The following ACSL6 variants were observed in gnomAD, a reference collection of about 807,000 sequenced individuals.
The protein encoded by ACSL6 is acyl-CoA synthetase long chain family member 6, also known as long-chain-fatty-acid--CoA ligase 6.
Under a neutral mutation model 98.2 loss-of-function variants are expected in ACSL6, and 47 were observed. That is an observed-to-expected ratio of 0.48 (90% confidence interval 0.38 to 0.61). The LOEUF is 0.61. Among genes scored for constraint, ACSL6 ranks in the 20% least tolerant of loss-of-function variants. The pLI, the probability that ACSL6 is intolerant of heterozygous loss-of-function variation, is 0.00. For synonymous variants in ACSL6, 362 were observed against 336.9 expected (o/e 1.07, Z -0.82); for missense variants, 761 against 913.4 (o/e 0.83, Z 2.15).
chr5:131,985,370 GGTAGCCAT>G, intron 9 of ACSL6, 29 bp downstream of exon 9: 1 of 1,613,526 alleles, frequency 6.2e-7, no homozygotes, highest in South Asian at 1.1e-5. Context: ...GAAGGGTGCA[GGTAGCCAT>G]GGCTGGGGAT....
chr5:131,966,430 C>A lies in ACSL6; in HGVS notation c.1699G>T (p.Gly567Ter). The A allele has an allele frequency of 1.2e-6, 2 of 1,614,142 alleles. No homozygotes were observed. Among genetic ancestry groups the A allele is most frequent in the Non-Finnish European group, 1.7e-6 (2 of 1,180,034 alleles). ...SDGWLHTGDIGKWLPAGTLKI... is the reference protein window; with the variant it reads ...SDGWLHTGDI Reference sequence around the variant, plus strand: ...AACATACACACCGGCAGCCATTTTCCGATGTCTCCAGTGTGAAGCCAGCCA... The same window carrying A: ...AACATACACACCGGCAGCCATTTTCAGATGTCTCCAGTGTGAAGCCAGCCA... Residue 567 changes from glycine to a stop codon, truncating the protein, a stop_gained, in exon 17 of 21, where the codon GGA becomes TGA. Coordinates refer to ENST00000651883, the MANE Select transcript of ACSL6 (RefSeq NM_001009185.3). LOFTEE classifies it high-confidence loss of function.
At chr5:131,964,546 T>C (rs1296927937) in intron 17 of ACSL6, among the ~76,000 whole-genome samples, 1 of 152,240 alleles carries the variant, frequency 6.6e-6, no homozygotes, top group Non-Finnish European at 1.5e-5. Context: ...TGGTGAATGG[T>C]TTCATTCAAG....
chr5:131,963,214 C>G (rs1426147532), intron 17 of ACSL6, among the ~76,000 whole-genome samples: 1 of 152,212 alleles, frequency 6.6e-6, no homozygotes, highest in African/African-American at 2.4e-5. Context: ...CCAGATGGCA[C>G]TAGGAGCCCA....
intron 9 of ACSL6, among the ~76,000 whole-genome samples, chr5:131,981,658 CA>C (rs1753900889): frequency 6.6e-6 from 1 of 152,188 alleles, no homozygotes; most frequent in African/African-American, 2.4e-5. Context: ...CTACTGTAAG[CA>C]AATAAGCATT....
rs964346503 is a variant in ACSL6, at chr5:131,952,893, A to G, written c.*1341T>C. 25 of 215,012 alleles carry G rather than the reference A, an allele frequency of 1.2e-4. No individual in the cohort carries two copies. Among genetic ancestry groups the G allele is most frequent in the Non-Finnish European group, 2.0e-4 (21 of 106,556 alleles). The allele number at this position is 215,012 out of a possible 1,614,324, so 13.3% of individuals were successfully genotyped here. ...ATCAAAGTTATATTGTTGAAAAACTATTTTCCCTGGAAATAATGTCCCCTC... is the reference window on the plus strand; with the variant it reads ...ATCAAAGTTATATTGTTGAAAAACTGTTTTCCCTGGAAATAATGTCCCCTC... On this transcript the variant is annotated 3_prime_UTR_variant, in exon 21 of 21. Coordinates refer to ENST00000651883, the MANE Select transcript of ACSL6 (RefSeq NM_001009185.3).
rs1232249717 is a variant in ACSL6 at position 131,981,327 on chromosome 5, A to AC, written c.916+4079_916+4080insG. 1.9e-3 allele frequency among the ~76,000 whole-genome samples: 257 copies of AC among 135,362 alleles called. 3 individuals carry two copies. Among genetic ancestry groups the AC allele is most frequent in the African/African-American group, 7.3e-3 (245 of 33,586 alleles). 88.8% of individuals were successfully genotyped at this position (135,362 alleles called of 152,430 possible). A position where few individuals can be genotyped will look rare whatever the true frequency, so the allele number is the denominator to read the frequency against. ...ATACCTTCATAGTCAACTATTAAAAAAAAAAAAAAAAAAAAAAACACAACT... is the reference window on the plus strand; with the variant it reads ...ATACCTTCATAGTCAACTATTAAAAACAAAAAAAAAAAAAAAAAACACAACT... On this transcript the variant is annotated intron_variant, in intron 9 of 20. Transcript: ENST00000651883.
chr5:131,958,768 A>C (rs1309614213), intron 20 of ACSL6, among the ~76,000 whole-genome samples: 1 of 152,174 alleles, frequency 6.6e-6, no homozygotes, highest in Non-Finnish European at 1.5e-5. Context: ...CAAAATTTAA[A>C]GATTCTTGTC....
chr5:131,978,028 G>C (rs933983276), intron 9 of ACSL6, among the ~76,000 whole-genome samples: 2 of 152,222 alleles, frequency 1.3e-5, no homozygotes, highest in Non-Finnish European at 2.9e-5. Flanking sequence ...TGAAGTGCCT[G>C]ATTGTGCTCC....
Position 132,011,465 on chromosome 5 carries a change from G to T in ACSL6, c.49+40C>A. Reference sequence around the variant, plus strand: ...TCGGGCGAAGACCTCATAGCCTGCGGGAGATGGGAGTCCGGGACGCGGACA... The same window carrying T: ...TCGGGCGAAGACCTCATAGCCTGCGTGAGATGGGAGTCCGGGACGCGGACA... On this transcript the variant is annotated intron_variant, in intron 1 of 20. Coordinates refer to ENST00000651883, the MANE Select transcript of ACSL6 (RefSeq NM_001009185.3). This position sits in a 1 kb window ranked among gnomAD's most constrained non-coding sequence, Gnocchi z 5.4. 6.3e-7 allele frequency: 1 copy of T among 1,597,950 alleles called. No homozygotes were observed.
intron 9 of ACSL6, among the ~76,000 whole-genome samples, chr5:131,980,455 C>G (rs758244501): frequency 5.3e-5 from 8 of 152,188 alleles, no homozygotes; most frequent in African/African-American, 1.9e-4. Context: ...AGGTCTTGAA[C>G]CAAATAGCAC....
upstream of ACSL6, chr5:132,011,850 C>A (rs1347282388): frequency 9.9e-6 from 15 of 1,507,920 alleles, no homozygotes; most frequent in Non-Finnish European, 1.2e-5. This position sits in a 1 kb window ranked among gnomAD's most constrained non-coding sequence, Gnocchi z 5.4. Context: ...AGCTCCCGGG[C>A]GGGGGAGGGG....
rs777111185 is a variant in ACSL6, at chr5:131,985,402, C to T, written c.916+5G>A. ...ATGGCTGGGGATCTGCGTGCCTCTG[C>T]TTACCTGTCGTGCCGCTTGTGAAAC... On this transcript the variant is annotated splice_donor_5th_base_variant and intron_variant, in intron 9 of 20. Transcript: ENST00000651883. The T allele has an allele frequency of 1.9e-6, 3 of 1,614,092 alleles. No homozygotes were observed. In the South Asian group the frequency reaches 3.3e-5, roughly 18 times the overall value.
chr5:131,987,842 C>T (rs1033245156), intron 7 of ACSL6, among the ~76,000 whole-genome samples: 7 of 152,150 alleles, frequency 4.6e-5, no homozygotes, highest in East Asian at 1.9e-4. Context: ...GATCCAGCCA[C>T]GGAGCCTATC....
rs138244983 is a variant in ACSL6 at position 132,008,832 on chromosome 5, C to T, written c.49+2673G>A. On this transcript the variant is annotated intron_variant, in intron 1 of 20. Transcript: ENST00000651883. ...TGATTGAACAGATTAGACCCTGCGGCATGGGGCTGCCTTAGCCTAGAGGAA... is the reference window on the plus strand; with the variant it reads ...TGATTGAACAGATTAGACCCTGCGGTATGGGGCTGCCTTAGCCTAGAGGAA... Among the ~76,000 whole-genome samples the T allele has an allele frequency of 3.1e-3, 474 of 152,360 alleles. 4 individuals are homozygous for T. The highest frequency in any genetic ancestry group is 0.011 in the African/African-American group (452 of 41,586).
At position 131,951,558 on chromosome 5, in the gene ACSL6, CA is replaced by C. The variant is rs1305256316; in HGVS notation, c.*2675del. 1.6e-5 allele frequency: 3 copies of C among 188,178 alleles called. No individual in the cohort carries two copies. The highest frequency in any genetic ancestry group is 3.3e-5 in the Non-Finnish European group (3 of 90,172). The allele number at this position is 188,178 out of a possible 1,614,324, so 11.7% of individuals were successfully genotyped here. A position where few individuals can be genotyped will look rare whatever the true frequency, so the allele number is the denominator to read the frequency against. On this transcript the variant is annotated 3_prime_UTR_variant, in exon 21 of 21. Transcript: ENST00000651883. ...TAGAAATATAAGATATTTTAAGTGG[CA>C]AAAAGAAGAAACCTTGTTTTTGTTT...
At chr5:132,011,961 C>CGCCA, upstream of ACSL6, 1 of 1,535,124 alleles carries the variant, frequency 6.5e-7, no homozygotes, top group Non-Finnish European at 8.8e-7. The surrounding 1 kb of genome is among the most constrained non-coding windows in gnomAD (Gnocchi z 5.4). Context: ...GGGCGACGAG[C>CGCCA]GCCAGAGCGT....
intron 1 of ACSL6, among the ~76,000 whole-genome samples, chr5:132,005,325 G>C (rs1018400287): frequency 1.3e-5 from 2 of 152,220 alleles, no homozygotes; most frequent in African/African-American, 4.8e-5. Context: ...TGGCAGGGCA[G>C]AGTGGCCAGA....
intron 1 of ACSL6, among the ~76,000 whole-genome samples, chr5:131,999,170 C>T (rs776631006): frequency 1.1e-4 from 16 of 152,108 alleles, no homozygotes; most frequent in African/African-American, 3.4e-4. Flanking sequence ...CTGGGTATTC[C>T]GGTGCTGAAC....
chr5:131,990,821 C>T, intron 3 of ACSL6, 32 bp downstream of exon 3: 1 of 1,464,172 alleles, frequency 6.8e-7, no homozygotes, highest in Non-Finnish European at 9.0e-7. Context: ...GCCACACAGC[C>T]CCTCCACACC....
Sources: gnomAD v4.1 joint callset for allele counts (sites outside exome capture counted in the v4.1 genomes callset) on GRCh38, gnomAD v4.1.1 for gene constraint, Gnocchi (gnomAD v3.1) non-coding constraint, MANE v1.5 for transcripts, NCBI Gene and HGNC (gene_info 2026-07-23, HGNC 2026-07-21) for gene names.